Variants in UNC5D observed in about 807,000 individuals in gnomAD.
The protein encoded by UNC5D is netrin receptor UNC5D.
UNC5D carries 39 observed loss-of-function variants against 105.4 expected under a neutral mutation model. The ratio of observed to expected loss-of-function variants is 0.37; its 90% confidence interval spans 0.29 to 0.48. The LOEUF (loss-of-function observed/expected upper bound fraction) is 0.48. Among genes scored for constraint, UNC5D ranks in the 20% least tolerant of loss-of-function variants. UNC5D has a pLI of 0.98. For missense variants in UNC5D, 991 were observed against 1,202.4 expected (o/e 0.82, Z 2.60); for synonymous variants, 452 against 450.4 (o/e 1.00, Z -0.04).
intron 4 of UNC5D, among the ~76,000 whole-genome samples, chr8:35,625,641 G>A (rs768317517): frequency 2.0e-5 from 3 of 152,196 alleles, no homozygotes; most frequent in Non-Finnish European, 4.4e-5. Flanking sequence ...TGCAGTCATT[G>A]TACCTTGTTT....
At chr8:35,391,219 G>A (rs552274131) in intron 1 of UNC5D, among the ~76,000 whole-genome samples, 2 of 152,316 alleles carry the variant, frequency 1.3e-5, no homozygotes, top group African/African-American at 4.8e-5. Flanking sequence ...AGGTTGTAAA[G>A]TGCGGAAGAA....
intron 1 of UNC5D, among the ~76,000 whole-genome samples, chr8:35,493,183 G>C (rs1482449531): frequency 1.3e-5 from 2 of 150,516 alleles, no homozygotes; most frequent in African/African-American, 4.9e-5. Flanking sequence ...CTTTACTTTG[G>C]GGCGGCATTC....
At chr8:35,389,653 A>G (rs558212438) in intron 1 of UNC5D, among the ~76,000 whole-genome samples, 52 of 152,056 alleles carry the variant, frequency 3.4e-4, no homozygotes, top group African/African-American at 1.1e-3. Context: ...ACCAAGGCTG[A>G]AAACTACTTT....
At chr8:35,328,108 C>T (rs1810313167) in intron 1 of UNC5D, among the ~76,000 whole-genome samples, 1 of 152,118 alleles carries the variant, frequency 6.6e-6, no homozygotes, top group Admixed American at 6.6e-5. Flanking sequence ...GACCCCTCCA[C>T]CTCCAAAACT....
intron 7 of UNC5D, among the ~76,000 whole-genome samples, chr8:35,687,301 G>A (rs1165790054): frequency 5.3e-5 from 8 of 152,064 alleles, no homozygotes; most frequent in Non-Finnish European, 1.2e-4. Flanking sequence ...AATTAGCCAG[G>A]CGTGGTGGTG....
chr8:35,514,355 G>T (rs979071883), intron 1 of UNC5D, among the ~76,000 whole-genome samples: 2 of 152,122 alleles, frequency 1.3e-5, no homozygotes, highest in Non-Finnish European at 2.9e-5. Context: ...AGCAAATGAG[G>T]GCTTTTGAGA....
intron 1 of UNC5D, among the ~76,000 whole-genome samples, chr8:35,322,227 G>A (rs1236995879): frequency 6.6e-6 from 1 of 151,984 alleles, no homozygotes; most frequent in South Asian, 2.1e-4. Context: ...TCTTTTCAAA[G>A]GTGCACATAT....
chr8:35,724,921 C>T (rs139885663), intron 9 of UNC5D, among the ~76,000 whole-genome samples: 2 of 152,074 alleles, frequency 1.3e-5, no homozygotes, highest in Non-Finnish European at 2.9e-5. Context: ...GGTCTTGATA[C>T]AACACACTCA....
chr8:35,528,019 A>G (rs76682121), intron 1 of UNC5D, among the ~76,000 whole-genome samples: 1,861 of 149,484 alleles, frequency 0.012, 36 homozygotes, highest in African/African-American at 0.042. Context: ...TAAGTTTATC[A>G]TGAATTCTAG....
chr8:35,644,556 T>C (rs1326789511), intron 4 of UNC5D, among the ~76,000 whole-genome samples: 1 of 152,116 alleles, frequency 6.6e-6, no homozygotes, highest in Non-Finnish European at 1.5e-5. Flanking sequence ...CTAGCACCAT[T>C]TTGATCAGTT....
At chr8:35,369,618 G>A (rs756250037) in intron 1 of UNC5D, among the ~76,000 whole-genome samples, 8 of 152,142 alleles carry the variant, frequency 5.3e-5, no homozygotes, top group Admixed American at 3.3e-4. Context: ...ATGTCCATGC[G>A]TAGATGTGTC....
chr8:35,438,335 T>A (rs1173153144), intron 1 of UNC5D, among the ~76,000 whole-genome samples: 4 of 152,054 alleles, frequency 2.6e-5, no homozygotes, highest in African/African-American at 9.7e-5. Context: ...AATGTGAAAA[T>A]TTTAAAAAAG....
At chr8:35,614,592 A>C (rs1820895368) in intron 4 of UNC5D, among the ~76,000 whole-genome samples, 1 of 152,156 alleles carries the variant, frequency 6.6e-6, no homozygotes, top group Admixed American at 6.5e-5. Flanking sequence ...TTACTAGTTA[A>C]ACGCTAGTAA....
chr8:35,328,254 C>G (rs992781364), intron 1 of UNC5D, among the ~76,000 whole-genome samples: 6 of 151,720 alleles, frequency 4.0e-5, no homozygotes, highest in African/African-American at 1.5e-4. Context: ...TTGCCTAATG[C>G]TGTATTAGAG....
chr8:35,281,272 A>G (rs1427055396), intron 1 of UNC5D, among the ~76,000 whole-genome samples: 1 of 152,162 alleles, frequency 6.6e-6, no homozygotes, highest in Non-Finnish European at 1.5e-5. Flanking sequence ...TGGTTCAAAG[A>G]AAGAGAGACA....
At chr8:35,726,701 A>C in intron 10 of UNC5D, 172 bp downstream of exon 10, 1 of 1,025,840 alleles carries the variant, frequency 9.7e-7, no homozygotes, top group South Asian at 1.6e-5. Flanking sequence ...ACCAATGCTG[A>C]GATTAGATTT....
chr8:35,253,779 A>G (rs114264582), intron 1 of UNC5D, among the ~76,000 whole-genome samples: 2,287 of 152,102 alleles, frequency 0.015, 62 homozygotes, highest in African/African-American at 0.053. Flanking sequence ...GTGAGCCACC[A>G]CGTGGCCTCA....
chr8:35,473,067 C>T (rs1251905736), intron 1 of UNC5D, among the ~76,000 whole-genome samples: 1 of 152,144 alleles, frequency 6.6e-6, no homozygotes, highest in Non-Finnish European at 1.5e-5. Flanking sequence ...TGTAATGTTT[C>T]TTTAAATGTG....
chr8:35,552,415 A>C (rs184729031), intron 2 of UNC5D, among the ~76,000 whole-genome samples: 4 of 152,210 alleles, frequency 2.6e-5, no homozygotes, highest in African/African-American at 9.6e-5. Context: ...TCTTGCTGAC[A>C]TAAGGATGGA....
Sources: gnomAD v4.1 joint callset for allele counts (sites outside exome capture counted in the v4.1 genomes callset) on GRCh38, gnomAD v4.1.1 for gene constraint, MANE v1.5 for transcripts, NCBI Gene and HGNC (gene_info 2026-07-23, HGNC 2026-07-21) for gene names.